The following DPP9 variants were observed in gnomAD, a reference collection of about 807,000 sequenced individuals.
The protein encoded by DPP9 is dipeptidyl peptidase 9, also known as dipeptidyl peptidase IV-related protein-2.
A neutral mutation model predicts 110.7 loss-of-function variants in DPP9; 50 were observed. That is an observed-to-expected ratio of 0.45 (90% CI 0.36 to 0.57). The LOEUF is 0.57. DPP9 is among the 20% of genes least tolerant of loss of function. The pLI is 0.00. For synonymous variants in DPP9, 561 were observed against 514.4 expected, an observed-to-expected ratio of 1.09 and a Z score of -1.23; for missense variants, 1,022 against 1,217.9, an observed-to-expected ratio of 0.84 and a Z score of 2.39.
rs1280141455 is a variant in DPP9 at position 4,698,571 on chromosome 19, G to GCAAGACCCCATCTCTACAAAA, written c.1075-941_1075-921dup. ...GTTCGAGACCAGCCTGGGGAACATG[G>GCAAGACCCCATCTCTACAAAA]CAAGACCCCATCTCTACAAAACCCA... On this transcript the variant is annotated intron_variant, in intron 10 of 21. Transcript: ENST00000262960. This position sits in a 1 kb window ranked among gnomAD's most constrained non-coding sequence, Gnocchi z 4.2. 5.3e-5 allele frequency among the ~76,000 whole-genome samples: 8 copies of GCAAGACCCCATCTCTACAAAA among 152,014 alleles called. No individual in the cohort carries two copies. The highest frequency in any genetic ancestry group is 1.0e-4 in the Non-Finnish European group (7 of 68,002).
At chr19:4,720,848 T>C (rs1262928839) in intron 2 of DPP9, among the ~76,000 whole-genome samples, 3 of 152,292 alleles carry the variant, frequency 2.0e-5, no homozygotes, top group African/African-American at 4.8e-5. Flanking sequence ...CCTACGCTCA[T>C]ATTAATACTG....
At position 4,685,634 on chromosome 19, in the gene DPP9, C is replaced by A. The variant is rs778792324; in HGVS notation, c.2023G>T (p.Gly675Cys). 1 of 1,606,368 alleles carries A rather than the reference C, an allele frequency of 6.2e-7. No homozygotes were observed. The change falls in exon 17 of 22, where the codon GGC (glycine) becomes TGC (cysteine). Residue 675 changes from glycine (G) to cysteine (C), a missense_variant. Gly to Cys is a radical substitution (Grantham distance 159). This residue lies in a region of DPP9 where 3 missense variants were observed against 16.9 expected (regional missense o/e 0.18). Coordinates refer to ENST00000262960, the MANE Select transcript of DPP9 (RefSeq NM_139159.5). The surrounding 1 kb of genome is among the most constrained non-coding windows in gnomAD (Gnocchi z 5.8). The stretch of plus-strand genomic sequence containing the variant: ...AGCAGGTGTGCACTCACCTGGGGGC[C>A]TCCATATACAAAGAGGACGGTGGGG... The part of the protein sequence containing the change: ...KHPTVLFVYG[G>C]PQVQLVNNSF...
At chr19:4,722,730 G>T (rs748213259) in intron 1 of DPP9, 179 bp from the exon 2 acceptor site, 1 of 585,592 alleles carries the variant, frequency 1.7e-6, no homozygotes, top group Non-Finnish European at 3.1e-6. Flanking sequence ...TGGGAGAGAA[G>T]CCATCCCACG....
At chr19:4,680,011 C>A (rs929936174) in intron 20 of DPP9, 65 bp from the exon 21 acceptor site, 6 of 1,203,022 alleles carry the variant, frequency 5.0e-6, no homozygotes, top group South Asian at 1.3e-5. Flanking sequence ...GGGAGCAGAT[C>A]ACAAGGTCAG....
chr19:4,701,995 G>A (rs373346960), intron 9 of DPP9, 32 bp downstream of exon 9: 64 of 1,603,596 alleles, frequency 4.0e-5, no homozygotes, highest in Admixed American at 1.9e-4. Flanking sequence ...TCAGATCCCC[G>A]GCCCAGCCCC....
At chr19:4,679,807 G>C (rs1210986120) in intron 21 of DPP9, 28 bp downstream of exon 21, 2 of 1,536,384 alleles carry the variant, frequency 1.3e-6, no homozygotes, top group Non-Finnish European at 1.8e-6. Flanking sequence ...GGCTCGCGGA[G>C]GGGCCGAAGC....
rs981952594 is a variant in DPP9, at chr19:4,687,946, G to A, written c.1885+811C>T. The stretch of plus-strand genomic sequence containing the variant: ...CCGAGTAGTGGGACTACAGGCGCCC[G>A]CCACCATGCTCGGCTAATTTTTTGT... On this transcript the variant is annotated intron_variant, in intron 16 of 21. Coordinates refer to ENST00000262960, the MANE Select transcript of DPP9 (RefSeq NM_139159.5). This position sits in a 1 kb window ranked among gnomAD's most constrained non-coding sequence, Gnocchi z 4.7. Among the ~76,000 whole-genome samples the A allele has an allele frequency of 2.6e-5, 4 of 151,958 alleles. No individual in the cohort carries two copies. Among genetic ancestry groups the A allele is most frequent in the African/African-American group, 7.3e-5 (3 of 41,356 alleles).
At position 4,693,082 on chromosome 19, in the gene DPP9, C is replaced by T. The variant is rs901142038; in HGVS notation, c.1516+1579G>A. ...TTGGCTGCTGTGTGGGCTCTGCCCC[C>T]AGAGGGCACCGGACCACATCTAGGG... On this transcript the variant is annotated intron_variant, in intron 13 of 21. Coordinates refer to ENST00000262960, the MANE Select transcript of DPP9 (RefSeq NM_139159.5). The surrounding 1 kb of genome is among the most constrained non-coding windows in gnomAD (Gnocchi z 5.0). Among the ~76,000 whole-genome samples, 36 of 152,312 alleles carry T rather than the reference C, an allele frequency of 2.4e-4. 1 individual carries two copies. The highest frequency in any genetic ancestry group is 3.4e-3 in the Middle Eastern group (1 of 294).
At chr19:4,681,012 C>A (rs996829282) in intron 20 of DPP9, among the ~76,000 whole-genome samples, 3 of 152,206 alleles carry the variant, frequency 2.0e-5, no homozygotes, top group Non-Finnish European at 4.4e-5. Flanking sequence ...TGGAGTGTGG[C>A]ATGGGCTACT....
chr19:4,684,262 C>T lies in DPP9; in HGVS notation c.2178+401G>A, dbSNP rs558068743. 9.9e-5 allele frequency: 27 copies of T among 271,886 alleles called. No homozygotes were observed. The highest frequency in any genetic ancestry group is 8.4e-4 in the Admixed American group (17 of 20,276). 16.8% of individuals were successfully genotyped at this position (271,886 alleles called of 1,614,324 possible). ...TGGAGGGTTGCTGACCAGGCAACCT[C>T]GTGGGAACAGAGAGCAGCCCTCCCC... On this transcript the variant is annotated intron_variant, in intron 18 of 21. Transcript: ENST00000262960. This position sits in a 1 kb window ranked among gnomAD's most constrained non-coding sequence, Gnocchi z 4.8.
chr19:4,684,627 C>A lies in DPP9; in HGVS notation c.2178+36G>T. On this transcript the variant is annotated intron_variant, in intron 18 of 21. Transcript: ENST00000262960. The surrounding 1 kb of genome is among the most constrained non-coding windows in gnomAD (Gnocchi z 4.8). ...ACGGCCCAGGGCTCCCTTCCCGAGA[C>A]CCAAAGGACCCAGAGCAACAGGGAG... 6.2e-7 allele frequency: 1 copy of A among 1,610,926 alleles called. No homozygotes were observed. Among genetic ancestry groups the A allele is most frequent in the Non-Finnish European group, 8.5e-7 (1 of 1,178,580 alleles).
At chr19:4,722,156 A>T (rs981934151) in intron 2 of DPP9, 54 of 281,486 alleles carry the variant, frequency 1.9e-4, no homozygotes, top group Non-Finnish European at 3.2e-4. Context: ...GACTCAAACT[A>T]AAGTCCTTTC....
rs761867207 is a variant in DPP9, at chr19:4,685,567, G to A, written c.2031+59C>T. Reference sequence around the variant, plus strand: ...GTTCTACAGCTGGCACTTGAGTGGGGATGGGGAGTCCTCGGGTGGATGGTG... The same window carrying A: ...GTTCTACAGCTGGCACTTGAGTGGGAATGGGGAGTCCTCGGGTGGATGGTG... On this transcript the variant is annotated intron_variant, in intron 17 of 21. Coordinates refer to ENST00000262960, the MANE Select transcript of DPP9 (RefSeq NM_139159.5). This position sits in a 1 kb window ranked among gnomAD's most constrained non-coding sequence, Gnocchi z 5.8. The A allele has an allele frequency of 6.6e-6, 10 of 1,520,526 alleles. No homozygotes were observed. In the South Asian group the frequency reaches 1.1e-4, roughly 16 times the overall value. 94.2% of individuals were successfully genotyped at this position (1,520,526 alleles called of 1,614,324 possible). A position where few individuals can be genotyped will look rare whatever the true frequency, so the allele number is the denominator to read the frequency against.
chr19:4,721,872 T>C (rs1210771593), intron 2 of DPP9, among the ~76,000 whole-genome samples: 1 of 152,176 alleles, frequency 6.6e-6, no homozygotes, highest in East Asian at 1.9e-4. Flanking sequence ...TCACTGGCCA[T>C]ACTCTCAGTC....
intron 19 of DPP9, 181 bp from the exon 20 acceptor site, chr19:4,683,019 T>G (rs1233448839): frequency 2.8e-5 from 43 of 1,523,114 alleles, no homozygotes; most frequent in Non-Finnish European, 8.8e-7. Context: ...GTGCGTGGCA[T>G]GGGGGTGGGC....
rs930462490 is a variant in DPP9 at position 4,682,767 on chromosome 19, G to T, written c.2403C>A (p.Asp801Glu). Reference protein sequence around the residue: ...YDTGYTERYMDVPENNQHGYE... With the variant: ...YDTGYTERYMEVPENNQHGYE... ...AGCCGTGCTGGTTGTTCTCAGGGAC[G>T]TCCATGTAGCGCTCAGTGTACCCTG... The change falls in exon 20 of 22, where the codon GAC (aspartate) becomes GAA (glutamate). Residue 801 changes from aspartate (D) to glutamate (E), a missense_variant. This residue lies in a region of DPP9 where 209 missense variants were observed against 280.4 expected (regional missense o/e 0.75). Coordinates refer to ENST00000262960, the MANE Select transcript of DPP9 (RefSeq NM_139159.5). The surrounding 1 kb of genome is among the most constrained non-coding windows in gnomAD (Gnocchi z 7.1). 1.2e-6 allele frequency: 2 copies of T among 1,605,958 alleles called. No homozygotes were observed. Among genetic ancestry groups the T allele is most frequent in the Non-Finnish European group, 1.7e-6 (2 of 1,176,568 alleles).
intron 3 of DPP9, 101 bp downstream of exon 3, chr19:4,719,750 G>T: frequency 1.5e-6 from 2 of 1,370,772 alleles, no homozygotes; most frequent in Admixed American, 2.0e-5. Context: ...GGGGAAGCCA[G>T]GGGAGAGGGA....
rs1169172708 is a variant in DPP9 at position 4,685,110 on chromosome 19, G to A, written c.2032-301C>T. 1.5e-5 allele frequency: 9 copies of A among 594,600 alleles called. No individual in the cohort carries two copies. Among genetic ancestry groups the A allele is most frequent in the African/African-American group, 5.5e-5 (3 of 54,786 alleles). The allele number at this position is 594,600 out of a possible 1,614,324, so 36.8% of individuals were successfully genotyped here. On this transcript the variant is annotated intron_variant, in intron 17 of 21. Transcript: ENST00000262960. This position sits in a 1 kb window ranked among gnomAD's most constrained non-coding sequence, Gnocchi z 5.8. Reference sequence around the variant, plus strand: ...ATGGACATTGGGGTGGCTCCTTCTCGGGTGGGGCCATCTGGGCACTGCGGG... The same window carrying A: ...ATGGACATTGGGGTGGCTCCTTCTCAGGTGGGGCCATCTGGGCACTGCGGG...
chr19:4,679,794 G>T, intron 21 of DPP9, 41 bp downstream of exon 21: 1 of 1,450,808 alleles, frequency 6.9e-7, no homozygotes, highest in Non-Finnish European at 9.5e-7. Context: ...CCAGGGATCT[G>T]TCGGCTCGCG....
Sources: gnomAD v4.1 joint callset for allele counts (sites outside exome capture counted in the v4.1 genomes callset) on GRCh38, gnomAD v4.1.1 for gene constraint, gnomAD v4.1.1 regional missense constraint, Gnocchi (gnomAD v3.1) non-coding constraint, MANE v1.5 for transcripts, NCBI Gene and HGNC (gene_info 2026-07-23, HGNC 2026-07-21) for gene names.